LDLRAD4: variants seen among roughly 807,000 people sequenced by gnomAD.
The protein encoded by LDLRAD4 is low-density lipoprotein receptor class A domain-containing protein 4.
LDLRAD4 carries 5 observed loss-of-function variants against 17.0 expected under a neutral mutation model. The ratio of observed to expected loss-of-function variants is 0.29; its 90% CI spans 0.15 to 0.62. The LOEUF (loss-of-function observed/expected upper bound fraction) is 0.62, where lower values mean the gene tolerates loss of function less well. LDLRAD4 is among the 20% of genes least tolerant of loss of function. The probability of loss-of-function intolerance (pLI) is 0.84; values close to 1 mark genes in which losing one functional copy is unlikely to be tolerated. For missense variants in LDLRAD4, 340 were observed against 424.7 expected (o/e 0.80, Z 1.75); for synonymous variants, 168 against 171.8 (o/e 0.98, Z 0.17).
Position 13,348,476 on chromosome 18 carries a change from G to T in LDLRAD4, c.-382-38865G>T, listed in dbSNP as rs914236038. Among the ~76,000 whole-genome samples the T allele has an allele frequency of 2.0e-5, 3 of 152,186 alleles. No homozygotes were observed. The East Asian group carries it at 5.8e-4, about 29-fold the overall frequency. ...ACCTGGCTGTGTGAGGTGTCAGTCT[G>T]CCCCTACTGTGGGGTGCCTCCCAGT... On this transcript the variant is annotated intron_variant, in intron 1 of 5. Coordinates refer to ENST00000359446, the Ensembl canonical transcript of LDLRAD4.
rs1031744123 is a variant in LDLRAD4, at chr18:13,599,762, A to G, written c.182-21355A>G. On this transcript the variant is annotated intron_variant, in intron 3 of 5. Coordinates refer to ENST00000359446, the Ensembl canonical transcript of LDLRAD4. The stretch of plus-strand genomic sequence containing the variant: ...TGTCTTGGCCTCCCATAGTGCTGGG[A>G]TTACAGGCATGAGCCACCGCACCCG... Among the ~76,000 whole-genome samples the G allele has an allele frequency of 2.0e-5, 3 of 152,084 alleles. No homozygotes were observed. In the East Asian group the frequency reaches 5.8e-4, roughly 29 times the overall value.
chr18:13,532,769 T>C (rs563923053), intron 3 of LDLRAD4, among the ~76,000 whole-genome samples: 5 of 152,316 alleles, frequency 3.3e-5, no homozygotes, highest in Middle Eastern at 3.4e-3. Flanking sequence ...TGTGAAATAG[T>C]TTGCAGTCCT....
At chr18:13,477,848 A>C (rs1187990314) in intron 3 of LDLRAD4, among the ~76,000 whole-genome samples, 1 of 152,192 alleles carries the variant, frequency 6.6e-6, no homozygotes, top group Non-Finnish European at 1.5e-5. Flanking sequence ...CGATGTAGTC[A>C]AGGGCCAGAG....
chr18:13,578,450 A>G (rs2094805705), intron 3 of LDLRAD4, among the ~76,000 whole-genome samples: 1 of 152,136 alleles, frequency 6.6e-6, no homozygotes. Flanking sequence ...GCACATCATC[A>G]TTGTCATCGG....
intron 1 of LDLRAD4, among the ~76,000 whole-genome samples, chr18:13,225,825 A>G (rs890236687): frequency 1.3e-5 from 2 of 152,214 alleles, no homozygotes; most frequent in Non-Finnish European, 2.9e-5. Flanking sequence ...GCATTCTTTC[A>G]TGAATATTTT....
chr18:13,546,998 C>T (rs2094375148), intron 3 of LDLRAD4, among the ~76,000 whole-genome samples: 1 of 152,202 alleles, frequency 6.6e-6, no homozygotes, highest in African/African-American at 2.4e-5. Context: ...GGTGAGGTGA[C>T]ACTGCGCAGC....
chr18:13,232,055 C>T (rs191721774), intron 1 of LDLRAD4, among the ~76,000 whole-genome samples: 6 of 152,290 alleles, frequency 3.9e-5, no homozygotes, highest in Admixed American at 2.6e-4. Flanking sequence ...AAACTGAATT[C>T]GAAGATACAC....
intron 1 of LDLRAD4, among the ~76,000 whole-genome samples, chr18:13,264,342 C>CCT (rs2044093462): frequency 6.6e-6 from 1 of 152,270 alleles, no homozygotes; most frequent in Non-Finnish European, 1.5e-5. Flanking sequence ...TCAGAGCAGG[C>CCT]CTTGCTGCTC....
chr18:13,310,331 G>C (rs1319847730), intron 1 of LDLRAD4, among the ~76,000 whole-genome samples: 1 of 151,902 alleles, frequency 6.6e-6, no homozygotes, highest in Non-Finnish European at 1.5e-5. Flanking sequence ...CTCCAGCCTG[G>C]GTGACAGAGT....
intron 3 of LDLRAD4, among the ~76,000 whole-genome samples, chr18:13,547,492 A>C (rs1042629686): frequency 1.3e-5 from 2 of 152,134 alleles, no homozygotes; most frequent in South Asian, 4.2e-4. Flanking sequence ...CGTTCTGCCC[A>C]CTCGACCTGG....
chr18:13,262,768 G>T (rs1598972250), intron 1 of LDLRAD4, among the ~76,000 whole-genome samples: 1 of 96,026 alleles, frequency 1.0e-5, no homozygotes, highest in Non-Finnish European at 1.9e-5. Flanking sequence ...CCCTGTGCGT[G>T]GGGGCTGAGT....
At chr18:13,612,761 G>A (rs2039718220) in intron 3 of LDLRAD4, 3 of 1,613,930 alleles carry the variant, frequency 1.9e-6, no homozygotes, top group Non-Finnish European at 2.5e-6. Flanking sequence ...TCAAAGACCT[G>A]TTCTTAAAAA....
chr18:13,556,337 G>A lies in LDLRAD4; in HGVS notation c.182-64780G>A, dbSNP rs188282749. On this transcript the variant is annotated intron_variant, in intron 3 of 5. Coordinates refer to ENST00000359446, the Ensembl canonical transcript of LDLRAD4. The stretch of plus-strand genomic sequence containing the variant: ...TGGAACAAGTACTTCTGAGTTGACA[G>A]AAATTGGATTGCTATAAACTCTGCT... Among the ~76,000 whole-genome samples, 186 of 152,358 alleles carry A rather than the reference G, an allele frequency of 1.2e-3. 1 individual carries two copies. Among genetic ancestry groups the A allele is most frequent in the African/African-American group, 4.3e-3 (178 of 41,586 alleles).
At chr18:13,618,709 C>T (rs2040309312) in intron 3 of LDLRAD4, among the ~76,000 whole-genome samples, 1 of 152,192 alleles carries the variant, frequency 6.6e-6, no homozygotes, top group South Asian at 2.1e-4. Flanking sequence ...TGTGAATACT[C>T]CGCTATTTAA....
chr18:13,495,892 C>T (rs1420896169), intron 3 of LDLRAD4, among the ~76,000 whole-genome samples: 2 of 152,324 alleles, frequency 1.3e-5, no homozygotes, highest in East Asian at 1.9e-4. Flanking sequence ...CTAGCTCAGT[C>T]GGGTCGCCTC....
intron 1 of LDLRAD4, among the ~76,000 whole-genome samples, chr18:13,326,750 G>A (rs7226901): frequency 0.37 from 56,078 of 151,552 alleles, 11,165 homozygotes; most frequent in African/African-American, 0.52. Context: ...TCCCTTTTGC[G>A]TAAGGAATTT....
At chr18:13,354,106 A>G (rs8089252) in intron 1 of LDLRAD4, among the ~76,000 whole-genome samples, 10,396 of 152,138 alleles carry the variant, frequency 0.068, 961 homozygotes, top group African/African-American at 0.21. Flanking sequence ...CTGCTTGGGA[A>G]GTTGAGTTGG....
chr18:13,594,339 A>G (rs527286488), intron 3 of LDLRAD4, among the ~76,000 whole-genome samples: 4 of 152,190 alleles, frequency 2.6e-5, no homozygotes, highest in South Asian at 4.2e-4. Flanking sequence ...ATGTCAGGCA[A>G]TGTTGTTTGT....
intron 3 of LDLRAD4, among the ~76,000 whole-genome samples, chr18:13,559,271 C>T (rs1405790786): frequency 6.6e-6 from 1 of 152,190 alleles, no homozygotes; most frequent in African/African-American, 2.4e-5. Context: ...TGTGGGGTTT[C>T]TGAAGCTGCT....
Sources: allele counts gnomAD v4.1 joint callset (sites outside exome capture counted in the v4.1 genomes callset), GRCh38; gene constraint gnomAD v4.1.1; transcripts MANE v1.5; gene names NCBI Gene and HGNC (gene_info 2026-07-23, HGNC 2026-07-21).